TENM2: variants seen among roughly 807,000 people sequenced by gnomAD.
The protein encoded by TENM2 is teneurin-2.
TENM2 carries 52 observed loss-of-function variants against 245.2 expected under a neutral mutation model. The observed-to-expected ratio is 0.21, with a 90% CI of 0.17 to 0.27. The LOEUF (loss-of-function observed/expected upper bound fraction) is 0.27, where lower values mean the gene tolerates loss of function less well. TENM2 is among the 10% of genes least tolerant of loss of function. The pLI, the probability that TENM2 is intolerant of heterozygous loss-of-function variation, is 1.00. For synonymous variants in TENM2, 1,363 were observed against 1,438.9 expected (o/e 0.95, Z 1.19); for missense variants, 3,046 against 3,666.8 (o/e 0.83, Z 4.37).
At chr5:167,006,011 G>A in the TENM2 span, among the ~76,000 whole-genome samples, 1 of 152,082 alleles carries the variant, frequency 6.6e-6, no homozygotes, top group Non-Finnish European at 1.5e-5. Flanking sequence ...GGTAGGACGT[G>A]GAAGGAGGTA....
chr5:167,750,891 T>C (rs1761914771), intron 2 of TENM2, among the ~76,000 whole-genome samples: 1 of 152,190 alleles, frequency 6.6e-6, no homozygotes. Context: ...TCCACCAGTG[T>C]ATCAGGAAAT....
intron 2 of TENM2, among the ~76,000 whole-genome samples, chr5:167,437,920 A>G (rs1488175121): frequency 6.6e-6 from 1 of 152,192 alleles, no homozygotes; most frequent in Non-Finnish European, 1.5e-5. Flanking sequence ...CTAATCTTGG[A>G]TATCGTTATT....
intron 2 of TENM2, among the ~76,000 whole-genome samples, chr5:167,676,384 C>T (rs1474127014): frequency 4.6e-5 from 7 of 152,112 alleles, no homozygotes; most frequent in African/African-American, 7.2e-5. Flanking sequence ...ATGTGGTTCC[C>T]GGTTTAATTG....
intron 2 of TENM2, among the ~76,000 whole-genome samples, chr5:167,451,850 A>C (rs1346723049): frequency 1.3e-5 from 2 of 151,926 alleles, no homozygotes; most frequent in East Asian, 1.9e-4. Context: ...AGGGTTTCAC[A>C]GTGTTAGCCA....
intron 2 of TENM2, among the ~76,000 whole-genome samples, chr5:167,701,224 C>G (rs1758120532): frequency 6.6e-6 from 1 of 152,076 alleles, no homozygotes; most frequent in South Asian, 2.1e-4. Flanking sequence ...TACATCTCCC[C>G]CAACTCTTGC....
chr5:168,231,236 G>GACTTACTT (rs59920189), intron 25 of TENM2, among the ~76,000 whole-genome samples: 1 of 152,202 alleles, frequency 6.6e-6, no homozygotes, highest in Non-Finnish European at 1.5e-5. Flanking sequence ...GATGAACAAA[G>GACTTACTT]ACTTGGTAAG....
Position 167,604,984 on chromosome 5 carries a change from C to T in TENM2, c.502+229511C>T, listed in dbSNP as rs146120401. Among the ~76,000 whole-genome samples the T allele has an allele frequency of 7.2e-5, 11 of 152,230 alleles. No homozygotes were observed. In the East Asian group the frequency reaches 2.1e-3, roughly 29 times the overall value. The stretch of plus-strand genomic sequence containing the variant: ...ATAGGAAGATGATATGCTAGGCAAA[C>T]GGACATGGTTTGATCAAAGACTTGG... On this transcript the variant is annotated intron_variant, in intron 2 of 28. Transcript: ENST00000518659.
At chr5:168,099,305 A>G (rs1046901573) in intron 9 of TENM2, among the ~76,000 whole-genome samples, 2 of 152,136 alleles carry the variant, frequency 1.3e-5, no homozygotes, top group Non-Finnish European at 2.9e-5. Context: ...GGGGCAGTTG[A>G]GTGCACTTGC....
chr5:167,721,010 T>C (rs907909660), intron 2 of TENM2, among the ~76,000 whole-genome samples: 7 of 152,218 alleles, frequency 4.6e-5, no homozygotes, highest in Non-Finnish European at 8.8e-5. Context: ...GTATTTAGCA[T>C]AATAAAGTCC....
intron 1 of TENM2, among the ~76,000 whole-genome samples, chr5:167,320,273 G>C (rs2127769190): frequency 6.6e-6 from 1 of 152,282 alleles, no homozygotes; most frequent in African/African-American, 2.4e-5. Flanking sequence ...CAGCCTAATG[G>C]AGATTAAATA....
intron 3 of TENM2, among the ~76,000 whole-genome samples, chr5:167,934,414 T>C (rs140939918): frequency 0.017 from 2,567 of 152,320 alleles, 40 homozygotes; most frequent in Non-Finnish European, 0.021. Flanking sequence ...TTTAAAATTG[T>C]TTTGGCTTCA....
chr5:167,075,606 A>G, the TENM2 span, among the ~76,000 whole-genome samples: 1 of 152,184 alleles, frequency 6.6e-6, no homozygotes, highest in Non-Finnish European at 1.5e-5. Flanking sequence ...CTGGCTGACA[A>G]GCTGGCCTGC....
intron 1 of TENM2, among the ~76,000 whole-genome samples, chr5:167,325,698 G>A (rs190520422): frequency 7.2e-4 from 109 of 152,104 alleles, no homozygotes; most frequent in African/African-American, 2.4e-3. Context: ...AAATATCAGT[G>A]GTATATTTTA....
intron 2 of TENM2, among the ~76,000 whole-genome samples, chr5:167,733,569 CACAA>C (rs1183865859): frequency 4.6e-5 from 7 of 152,172 alleles, no homozygotes; most frequent in African/African-American, 1.7e-4. Context: ...TCTGAGATCG[CACAA>C]ACAGGGTAAG....
intron 2 of TENM2, among the ~76,000 whole-genome samples, chr5:167,608,011 G>A (rs1230397481): frequency 3.9e-5 from 6 of 152,026 alleles, no homozygotes. Flanking sequence ...CCTAGTGTGT[G>A]AAGACCACAT....
intron 2 of TENM2, among the ~76,000 whole-genome samples, chr5:167,854,560 T>G (rs1770892803): frequency 6.6e-6 from 1 of 152,218 alleles, no homozygotes; most frequent in African/African-American, 2.4e-5. Flanking sequence ...TTGTACCTCT[T>G]TATTGCTGGA....
intron 2 of TENM2, among the ~76,000 whole-genome samples, chr5:167,526,389 C>CACACACAT: frequency 6.6e-6 from 1 of 151,600 alleles, no homozygotes. Context: ...CACACACACA[C>CACACACAT]ACACAGAAAA....
At chr5:167,630,910 C>T (rs1377214043) in intron 2 of TENM2, among the ~76,000 whole-genome samples, 1 of 152,202 alleles carries the variant, frequency 6.6e-6, no homozygotes, top group Non-Finnish European at 1.5e-5. Context: ...TTTCAGTCCA[C>T]CTAGGAAAGA....
At chr5:167,280,296 A>C (rs964438494), upstream of TENM2, among the ~76,000 whole-genome samples, 5 of 152,198 alleles carry the variant, frequency 3.3e-5, no homozygotes, top group Admixed American at 3.3e-4. Flanking sequence ...AAGAGGACTT[A>C]CCACAGAAGG....
Sources: allele counts gnomAD v4.1 joint callset (sites outside exome capture counted in the v4.1 genomes callset), GRCh38; gene constraint gnomAD v4.1.1; transcripts MANE v1.5; gene names NCBI Gene and HGNC (gene_info 2026-07-23, HGNC 2026-07-21).